CPLX1: variants seen among roughly 807,000 people sequenced by gnomAD.
CPLX1 encodes complexin-1.
In CPLX1, 6 loss-of-function variants were observed where a neutral mutation model predicts 15.6. The ratio of observed to expected loss-of-function variants is 0.39; its 90% confidence interval spans 0.21 to 0.76. CPLX1 has a LOEUF of 0.76. Among genes scored for constraint, CPLX1 ranks in the 30% least tolerant of loss-of-function variants. CPLX1 has a pLI of 0.43. For synonymous variants in CPLX1, 91 were observed against 75.2 expected, an observed-to-expected ratio of 1.21 and a Z score of -1.08; for missense variants, 242 against 188.6, an observed-to-expected ratio of 1.28 and a Z score of -1.66.
chr4:794,552 T>A (rs142512030), intron 2 of CPLX1, among the ~76,000 whole-genome samples: 2 of 152,294 alleles, frequency 1.3e-5, no homozygotes, highest in African/African-American at 4.8e-5. Flanking sequence ...CAGTCCCCAG[T>A]CATTGGACCA....
At chr4:798,264 C>A (rs1436876512) in intron 2 of CPLX1, among the ~76,000 whole-genome samples, 3 of 133,090 alleles carry the variant, frequency 2.3e-5, no homozygotes, top group South Asian at 2.5e-4. Flanking sequence ...GACAGTGAGA[C>A]TCCGTCTCAA....
At chr4:790,789 C>T (rs750641128) in intron 3 of CPLX1, among the ~76,000 whole-genome samples, 1 of 152,148 alleles carries the variant, frequency 6.6e-6, no homozygotes, top group South Asian at 2.1e-4. Flanking sequence ...GCCACCTCCA[C>T]TTCTACCCAG....
chr4:787,246 T>G, intron 3 of CPLX1: 2 of 985,364 alleles, frequency 2.0e-6, no homozygotes, highest in Non-Finnish European at 2.4e-6. Flanking sequence ...CAGAGGGTCC[T>G]GGGCTGCGGT....
intron 3 of CPLX1, chr4:787,517 C>T: frequency 1.5e-6 from 1 of 646,024 alleles, no homozygotes; most frequent in Non-Finnish European, 1.9e-6. Flanking sequence ...GCCTCAAGTC[C>T]AGTGAGAGTG....
intron 2 of CPLX1, among the ~76,000 whole-genome samples, chr4:817,863 G>C (rs1280807646): frequency 6.6e-6 from 1 of 152,124 alleles, no homozygotes; most frequent in Non-Finnish European, 1.5e-5. Flanking sequence ...CGTGAGGGGA[G>C]GTCCTGTGGG....
At chr4:799,499 AAGCTC>A (rs1746410966) in intron 2 of CPLX1, among the ~76,000 whole-genome samples, 1 of 152,194 alleles carries the variant, frequency 6.6e-6, no homozygotes, top group Admixed American at 6.5e-5. Flanking sequence ...CACAGGGTGG[AAGCTC>A]CTATCCTTGG....
At chr4:796,001 G>A (rs970300488) in intron 2 of CPLX1, among the ~76,000 whole-genome samples, 3 of 152,164 alleles carry the variant, frequency 2.0e-5, no homozygotes, top group Non-Finnish European at 4.4e-5. Flanking sequence ...ACCTTTGCTG[G>A]AGTGGCACCC....
At position 792,509 on chromosome 4, in the gene CPLX1, G is replaced by A; in HGVS notation, c.131C>T (p.Ala44Val). The change falls in exon 3 of 4, where the codon GCG becomes GTG. Residue 44 changes from alanine to valine, a missense_variant. Transcript: ENST00000304062. ...GTACTTGGCCTTGCGCTCCTCCTCC[G>A]CCTGGCGCAGCGCCTCCTGCCGCTC... is the stretch of plus-strand genomic sequence containing the variant. The part of the protein sequence containing the change: ...EEERQEALRQ[A>V]EEERKAKYAK... 5.0e-6 allele frequency: 8 copies of A among 1,612,980 alleles called. No individual in the cohort carries two copies. The highest frequency in any genetic ancestry group is 1.7e-4 in the Middle Eastern group (1 of 6,040).
chr4:786,324 T>G lies in CPLX1; in HGVS notation c.*177A>C. 3 of 532,110 alleles carry G rather than the reference T, an allele frequency of 5.6e-6. No homozygotes were observed. The highest frequency in any genetic ancestry group is 3.3e-5 in the South Asian group (1 of 30,610). The allele number at this position is 532,110 out of a possible 1,614,324, so 33.0% of individuals were successfully genotyped here. A position where few individuals can be genotyped will look rare whatever the true frequency, so the allele number is the denominator to read the frequency against. On this transcript the variant is annotated 3_prime_UTR_variant, in exon 4 of 4. Coordinates refer to ENST00000304062, the MANE Select transcript of CPLX1 (RefSeq NM_006651.4). ...AGGAGCACGGGGCGGACTGGGGGGG[T>G]CCTGGGGGCGCGCGCCCCTTGCCGG...
chr4:822,016 A>G (rs12511420), intron 2 of CPLX1, among the ~76,000 whole-genome samples: 62,087 of 152,042 alleles, frequency 0.41, 12,911 homozygotes, highest in Middle Eastern at 0.52. Flanking sequence ...TGCATGTGCC[A>G]TGCTGCCTGC....
chr4:824,712 C>T, intron 1 of CPLX1, 111 bp from the exon 2 acceptor site: 1 of 716,646 alleles, frequency 1.4e-6, no homozygotes, highest in South Asian at 1.5e-5. Flanking sequence ...CCCTCCCCCA[C>T]CTGGAGCGGC....
chr4:818,609 G>A (rs1431527584), intron 2 of CPLX1, among the ~76,000 whole-genome samples: 3 of 152,266 alleles, frequency 2.0e-5, no homozygotes, highest in South Asian at 2.1e-4. Context: ...CGTCCACACC[G>A]CCGAGGCCAG....
chr4:815,149 G>A (rs1385335730), intron 2 of CPLX1, among the ~76,000 whole-genome samples: 1 of 152,168 alleles, frequency 6.6e-6, no homozygotes, highest in Non-Finnish European at 1.5e-5. Flanking sequence ...GGTGGCTCAC[G>A]CCTGTAATCC....
At chr4:802,438 T>C (rs951653169) in intron 2 of CPLX1, among the ~76,000 whole-genome samples, 13 of 152,172 alleles carry the variant, frequency 8.5e-5, no homozygotes, top group Non-Finnish European at 1.6e-4. Context: ...AAGAGGGCAA[T>C]GGTTATTGAA....
intron 2 of CPLX1, among the ~76,000 whole-genome samples, chr4:817,881 G>C (rs954692382): frequency 6.6e-6 from 1 of 152,148 alleles, no homozygotes; most frequent in Non-Finnish European, 1.5e-5. Context: ...GGGCACGCTG[G>C]ACATAGTATC....
chr4:792,879 G>A (rs1037280529), intron 2 of CPLX1, among the ~76,000 whole-genome samples: 2 of 152,190 alleles, frequency 1.3e-5, no homozygotes, highest in African/African-American at 4.8e-5. Context: ...GAGGGAGAGT[G>A]GCGCTGTGGT....
intron 2 of CPLX1, among the ~76,000 whole-genome samples, chr4:793,171 G>A (rs1252154547): frequency 6.6e-6 from 1 of 152,206 alleles, no homozygotes. Context: ...TGGCCTCCTG[G>A]AGGTGGTGCG....
chr4:808,810 T>TA lies in CPLX1; in HGVS notation c.31+15681dup, dbSNP rs1451822858. 2.0e-5 allele frequency among the ~76,000 whole-genome samples: 3 copies of TA among 152,244 alleles called. No individual in the cohort carries two copies. In the East Asian group the frequency reaches 5.8e-4, roughly 29 times the overall value. ...AATGGATTGTCTTTAAAACCCGTTG[T>TA]AAAAAATCTGAGAACGATGTCTAAG... is the stretch of plus-strand genomic sequence containing the variant. On this transcript the variant is annotated intron_variant, in intron 2 of 3. Transcript: ENST00000304062.
In CPLX1 at chr4:786,598, G is replaced by A. The variant is rs574433619; in HGVS notation, c.308C>T (p.Pro103Leu). The change falls in exon 4 of 4, where the codon CCG becomes CTG. Residue 103 changes from proline (P) to leucine (L), a missense_variant. Pro to Leu is a moderately conservative substitution (Grantham distance 98, BLOSUM62 -3). Transcript: ENST00000304062. ...SLTRPKKAIP[P>L]GCGDEVEEED... ...CTCCTCCACCTCGTCCCCGCAGCCCGGCGGGATGGCCTTCTTGGGCCGCGT... is the reference window on the plus strand; with the variant it reads ...CTCCTCCACCTCGTCCCCGCAGCCCAGCGGGATGGCCTTCTTGGGCCGCGT... 107 of 1,612,252 alleles carry A rather than the reference G, an allele frequency of 6.6e-5. 1 individual carries two copies. The East Asian group carries it at 1.9e-3, about 29-fold the overall frequency.
Sources: gnomAD v4.1 joint callset for allele counts (sites outside exome capture counted in the v4.1 genomes callset) on GRCh38, gnomAD v4.1.1 for gene constraint, MANE v1.5 for transcripts, NCBI Gene and HGNC (gene_info 2026-07-23, HGNC 2026-07-21) for gene names.